PRICKLE1: variants seen among roughly 807,000 people sequenced by gnomAD.
PRICKLE1 encodes the protein prickle planar cell polarity protein 1, also known as prickle-like protein 1.
Under a neutral mutation model 70.2 loss-of-function variants are expected in PRICKLE1, and 14 were observed. The observed-to-expected ratio is 0.20, with a 90% CI of 0.13 to 0.31. PRICKLE1 has a LOEUF of 0.31. Among genes scored for constraint, PRICKLE1 ranks in the 10% least tolerant of loss-of-function variants. The pLI is 1.00. For missense variants in PRICKLE1, 821 were observed against 1,026.2 expected, an observed-to-expected ratio of 0.80 and a Z score of 2.73; for synonymous variants, 357 against 379.9, an observed-to-expected ratio of 0.94 and a Z score of 0.70.
intron 1 of PRICKLE1, among the ~76,000 whole-genome samples, chr12:42,478,493 C>G (rs2140143974): frequency 6.6e-6 from 1 of 152,276 alleles, no homozygotes; most frequent in South Asian, 2.1e-4. Context: ...AACCTTTTAA[C>G]AGCTACCACC....
intron 1 of PRICKLE1, among the ~76,000 whole-genome samples, chr12:42,542,319 T>TATAA: frequency 6.6e-6 from 1 of 152,246 alleles, no homozygotes; most frequent in East Asian, 1.9e-4. Context: ...TGTTATTACA[T>TATAA]ATTTAATCTA....
chr12:42,512,587 C>T (rs1939534245), intron 1 of PRICKLE1, among the ~76,000 whole-genome samples: 2 of 152,188 alleles, frequency 1.3e-5, no homozygotes, highest in Non-Finnish European at 2.9e-5. Flanking sequence ...CCACATTCTT[C>T]ATCTCTCTTT....
At chr12:42,561,756 A>G (rs1940516509) in intron 1 of PRICKLE1, among the ~76,000 whole-genome samples, 1 of 152,216 alleles carries the variant, frequency 6.6e-6, no homozygotes. Flanking sequence ...GTGTACAGTT[A>G]ACTATGAAAA....
intron 7 of PRICKLE1, 157 bp from the exon 8 acceptor site, chr12:42,460,822 T>G: frequency 1.3e-6 from 1 of 788,630 alleles, no homozygotes; most frequent in East Asian, 2.7e-5. Flanking sequence ...CTATGCCAAT[T>G]GAGAAGTGGT....
At chr12:42,478,305 T>C (rs1362702627) in intron 1 of PRICKLE1, among the ~76,000 whole-genome samples, 1 of 152,206 alleles carries the variant, frequency 6.6e-6, no homozygotes, top group African/African-American at 2.4e-5. Flanking sequence ...CATTAACCAA[T>C]CCTGTGCTAA....
chr12:42,511,202 T>C (rs1939507312), intron 1 of PRICKLE1, among the ~76,000 whole-genome samples: 2 of 152,212 alleles, frequency 1.3e-5, no homozygotes, highest in African/African-American at 4.8e-5. Flanking sequence ...AACTTCAGTT[T>C]AAACACCATT....
intron 1 of PRICKLE1, among the ~76,000 whole-genome samples, chr12:42,540,397 G>A (rs1012649374): frequency 6.6e-5 from 10 of 152,294 alleles, no homozygotes; most frequent in Admixed American, 4.6e-4. Flanking sequence ...CTTCATTGGT[G>A]AAATGGGAAG....
chr12:42,464,331 T>C lies in PRICKLE1; in HGVS notation c.1639+64A>G, dbSNP rs911506533. The C allele has an allele frequency of 2.3e-5, 37 of 1,607,896 alleles. No individual in the cohort carries two copies. In the African/African-American group the frequency reaches 4.4e-4, roughly 19 times the overall value. On this transcript the variant is annotated intron_variant, in intron 7 of 7. Transcript: ENST00000345127. This position sits in a 1 kb window ranked among gnomAD's most constrained non-coding sequence, Gnocchi z 4.2. Reference sequence around the variant, plus strand: ...CCACTGCGCCTGGCTTGAATTGCAATTTTTTGAATACACTTTTTAGTAGCT... The same window carrying C: ...CCACTGCGCCTGGCTTGAATTGCAACTTTTTGAATACACTTTTTAGTAGCT...
At chr12:42,538,486 G>A (rs1412973006) in intron 1 of PRICKLE1, among the ~76,000 whole-genome samples, 1 of 152,184 alleles carries the variant, frequency 6.6e-6, no homozygotes, top group Non-Finnish European at 1.5e-5. Context: ...AGGTAGGGGT[G>A]CGGGGGTGGA....
intron 2 of PRICKLE1, among the ~76,000 whole-genome samples, chr12:42,472,142 A>G (rs1251066041): frequency 6.6e-6 from 1 of 152,214 alleles, no homozygotes; most frequent in Non-Finnish European, 1.5e-5. Flanking sequence ...CATTCATTAG[A>G]GCAAAAATGG....
Position 42,551,061 on chromosome 12 carries a change from C to A in PRICKLE1, c.-49+38404G>T, listed in dbSNP as rs528258012. Among the ~76,000 whole-genome samples, 101 of 152,250 alleles carry A rather than the reference C, an allele frequency of 6.6e-4. 2 individuals carry two copies. The highest frequency in any genetic ancestry group is 3.4e-3 in the Middle Eastern group (1 of 294). ...GCACAAAAAAGCCTTATTGAGGAAG[C>A]CTGCTAGACTATGTATTTTTTTAAT... On this transcript the variant is annotated intron_variant, in intron 1 of 7. Transcript: ENST00000345127.
At chr12:42,506,259 C>CTTTTTT (rs5797804) in intron 1 of PRICKLE1, among the ~76,000 whole-genome samples, 1 of 121,142 alleles carries the variant, frequency 8.3e-6, no homozygotes, top group South Asian at 2.6e-4. Context: ...TTCTTTCTTT[C>CTTTTTT]TTTTTTTTTT....
chr12:42,534,548 T>G (rs2120564802), intron 1 of PRICKLE1, among the ~76,000 whole-genome samples: 1 of 152,270 alleles, frequency 6.6e-6, no homozygotes, highest in South Asian at 2.1e-4. Context: ...GCTAAGAACT[T>G]TACACATAAG....
intron 1 of PRICKLE1, among the ~76,000 whole-genome samples, chr12:42,486,388 A>G (rs565682899): frequency 5.3e-5 from 8 of 152,360 alleles, no homozygotes; most frequent in Admixed American, 2.6e-4. Flanking sequence ...TTTAATAAAC[A>G]TGAGTTAAGT....
intron 1 of PRICKLE1, among the ~76,000 whole-genome samples, chr12:42,521,058 C>T (rs1317175365): frequency 1.3e-5 from 2 of 152,132 alleles, no homozygotes; most frequent in Non-Finnish European, 2.9e-5. Flanking sequence ...GTAATCCCAA[C>T]TACTCAGGAG....
At chr12:42,483,317 GCGTTCAGTCCC>G (rs1339387605) in intron 1 of PRICKLE1, 1 of 151,706 alleles carries the variant, frequency 6.6e-6, no homozygotes, top group Admixed American at 6.6e-5. Context: ...CAGCCCTCCC[GCGTTCAGTCCC>G]CGCCGCCGGC....
Position 42,589,522 on chromosome 12 carries a change from T to G in PRICKLE1, c.-106A>C, listed in dbSNP as rs535764464. The G allele has an allele frequency of 2.0e-3, 310 of 154,126 alleles. 1 individual carries two copies. Among genetic ancestry groups the G allele is most frequent in the African/African-American group, 6.7e-3 (278 of 41,436 alleles). The allele number at this position is 154,126 out of a possible 1,614,324, so 9.5% of individuals were successfully genotyped here. ...GTCCTCGGCGCCGCTGCGGGGCTGC[T>G]GGGCTGCGGGGCTGCGGGGCTGAGG... is the stretch of plus-strand genomic sequence containing the variant. On this transcript the variant is annotated 5_prime_UTR_variant, in exon 1 of 8. Coordinates refer to ENST00000345127, the MANE Select transcript of PRICKLE1 (RefSeq NM_153026.3). This position sits in a 1 kb window ranked among gnomAD's most constrained non-coding sequence, Gnocchi z 5.0.
At chr12:42,564,990 G>C (rs1048994801) in intron 1 of PRICKLE1, among the ~76,000 whole-genome samples, 1 of 152,248 alleles carries the variant, frequency 6.6e-6, no homozygotes, top group Non-Finnish European at 1.5e-5. Flanking sequence ...CCTAAAAAGA[G>C]TTAACATAGA....
intron 1 of PRICKLE1, chr12:42,484,003 G>T (rs1312875091): frequency 1.3e-5 from 1 of 78,194 alleles, no homozygotes; most frequent in Non-Finnish European, 2.2e-5. Flanking sequence ...AGTAATCAGA[G>T]CCCGCAGTAA....
Sources: gnomAD v4.1 joint callset for allele counts (sites outside exome capture counted in the v4.1 genomes callset) on GRCh38, gnomAD v4.1.1 for gene constraint, Gnocchi (gnomAD v3.1) non-coding constraint, MANE v1.5 for transcripts, NCBI Gene and HGNC (gene_info 2026-07-23, HGNC 2026-07-21) for gene names.